The following RORA variants were observed in gnomAD, a reference collection of about 807,000 sequenced individuals.
The protein encoded by RORA is nuclear receptor ROR-alpha.
A neutral mutation model predicts 69.5 loss-of-function variants in RORA; 7 were observed. The ratio of observed to expected loss-of-function variants is 0.10; its 90% CI spans 0.06 to 0.19. RORA has a LOEUF of 0.19. RORA is among the 10% of genes least tolerant of loss of function. The probability of loss-of-function intolerance (pLI) is 1.00; values close to 1 mark genes in which losing one functional copy is unlikely to be tolerated. For missense variants in RORA, 457 were observed against 663.0 expected, an observed-to-expected ratio of 0.69 and a Z score of 3.41; for synonymous variants, 261 against 240.8, an observed-to-expected ratio of 1.08 and a Z score of -0.78.
chr15:60,893,948 C>T (rs559443175), intron 1 of RORA, among the ~76,000 whole-genome samples: 1 of 152,326 alleles, frequency 6.6e-6, no homozygotes, highest in Non-Finnish European at 1.5e-5. Flanking sequence ...AGTCCCCCGT[C>T]TGGGCCCCTT....
intron 1 of RORA, among the ~76,000 whole-genome samples, chr15:61,221,212 T>G (rs934145288): frequency 5.9e-5 from 9 of 152,256 alleles, no homozygotes; most frequent in Admixed American, 1.3e-4. Flanking sequence ...ATTTATGTTT[T>G]GGGATCAAGA....
intron 1 of RORA, among the ~76,000 whole-genome samples, chr15:60,780,056 G>A (rs1345552039): frequency 6.6e-6 from 1 of 152,204 alleles, no homozygotes; most frequent in Non-Finnish European, 1.5e-5. Flanking sequence ...CATGTGACAT[G>A]TGTCTGTTAG....
intron 2 of RORA, among the ~76,000 whole-genome samples, chr15:60,576,780 G>A (rs2068038774): frequency 6.6e-6 from 1 of 152,152 alleles, no homozygotes; most frequent in South Asian, 2.1e-4. Flanking sequence ...GCCTGCAAGG[G>A]CTTTCCATCT....
At chr15:60,624,497 T>TATATATATATA (rs2069513435) in intron 2 of RORA, among the ~76,000 whole-genome samples, 1 of 120,752 alleles carries the variant, frequency 8.3e-6, no homozygotes, top group Admixed American at 8.6e-5. Context: ...TATATATATA[T>TATATATATATA]TTGCTGTATG....
intron 1 of RORA, among the ~76,000 whole-genome samples, chr15:60,892,485 C>T (rs1285047688): frequency 1.3e-5 from 2 of 152,182 alleles, no homozygotes; most frequent in South Asian, 2.1e-4. Context: ...GCCCAATCCT[C>T]CAAAAGTCCC....
chr15:60,670,762 G>C lies in RORA; in HGVS notation c.196+7895C>G, dbSNP rs192920666. 2.6e-5 allele frequency among the ~76,000 whole-genome samples: 4 copies of C among 152,164 alleles called. No homozygotes were observed. The East Asian group carries it at 7.7e-4, about 29-fold the overall frequency. ...CTTCATCCTTATAATGTATAGATGT[G>C]GATGTCAATTATAATCCAAAGGGCC... On this transcript the variant is annotated intron_variant, in intron 2 of 10. Coordinates refer to ENST00000335670, the MANE Select transcript of RORA (RefSeq NM_134261.3).
chr15:61,190,011 G>T (rs2079782296), intron 1 of RORA, among the ~76,000 whole-genome samples: 1 of 151,822 alleles, frequency 6.6e-6, no homozygotes, highest in African/African-American at 2.4e-5. Context: ...GTGAAATTTT[G>T]CAATTTTTAA....
chr15:60,594,881 C>T (rs570058695), intron 2 of RORA, among the ~76,000 whole-genome samples: 1 of 152,350 alleles, frequency 6.6e-6, no homozygotes, highest in Non-Finnish European at 1.5e-5. Flanking sequence ...TAATGAGCAA[C>T]AGAATTTCAG....
chr15:61,229,156 G>A lies in RORA; in HGVS notation c.63C>T (p.Asp21=), dbSNP rs777245180. The A allele has an allele frequency of 5.8e-6, 9 of 1,547,434 alleles. No homozygotes were observed. The highest frequency in any genetic ancestry group is 6.1e-6 in the Non-Finnish European group (7 of 1,147,094). Residue 21 remains aspartate, a synonymous_variant, in exon 1 of 11, where the codon GAC becomes GAT. Coordinates refer to ENST00000335670, the MANE Select transcript of RORA (RefSeq NM_134261.3). The stretch of plus-strand genomic sequence containing the variant: ...GGGTCTCCCTGGAGCCGGCGGCCGC[G>A]TCCGCGCCGCTGCTGCCTGGCTCGC... ...AASEPGSSGA[D]AAAGSRETPL...
At chr15:60,840,800 C>T (rs74965234) in intron 1 of RORA, among the ~76,000 whole-genome samples, 5 of 152,306 alleles carry the variant, frequency 3.3e-5, no homozygotes, top group African/African-American at 4.8e-5. Flanking sequence ...ATCCTGTCTC[C>T]GTGGCCCGGC....
intron 1 of RORA, among the ~76,000 whole-genome samples, chr15:61,046,178 G>C (rs73424348): frequency 0.013 from 2,033 of 152,290 alleles, 48 homozygotes; most frequent in African/African-American, 0.044. Flanking sequence ...GGGCAGGGGA[G>C]GTAGTGGAGA....
At chr15:60,909,263 C>T (rs191454422) in intron 1 of RORA, among the ~76,000 whole-genome samples, 7 of 152,306 alleles carry the variant, frequency 4.6e-5, no homozygotes, top group African/African-American at 9.6e-5. Context: ...GCTGATGTCT[C>T]GGCCAGCCTC....
chr15:61,172,231 T>G (rs1206885438), intron 1 of RORA, among the ~76,000 whole-genome samples: 2 of 152,204 alleles, frequency 1.3e-5, no homozygotes, highest in East Asian at 3.8e-4. Flanking sequence ...CTTTGCAATT[T>G]TTCATGCTTC....
Position 60,753,030 on chromosome 15 carries a change from A to C in RORA, c.167-74344T>G, listed in dbSNP as rs1595686396. The stretch of plus-strand genomic sequence containing the variant: ...GAATTTTTTTACTCTGTGAGCCCTG[A>C]ACAAAAGTCCAGAAAAATAAAGCAG... On this transcript the variant is annotated intron_variant, in intron 1 of 10. Transcript: ENST00000335670. 2.0e-5 allele frequency among the ~76,000 whole-genome samples: 3 copies of C among 152,358 alleles called. No homozygotes were observed. The South Asian group carries it at 6.2e-4, about 32-fold the overall frequency.
At position 61,229,235 on chromosome 15, in the gene RORA, G is replaced by C. The variant is rs763225243; in HGVS notation, c.-17C>G. 1.6e-6 allele frequency: 2 copies of C among 1,244,228 alleles called. No individual in the cohort carries two copies. Among genetic ancestry groups the C allele is most frequent in the South Asian group, 1.4e-5 (1 of 70,946 alleles). The allele number at this position is 1,244,228 out of a possible 1,614,324, so 77.1% of individuals were successfully genotyped here. On this transcript the variant is annotated 5_prime_UTR_variant, in exon 1 of 11. Transcript: ENST00000335670. Reference sequence around the variant, plus strand: ...TGACTCCATGTTTTTTCCCAATGTAGAGATCGCTGGAGATGGCGAGCTCCG... The same window carrying C: ...TGACTCCATGTTTTTTCCCAATGTACAGATCGCTGGAGATGGCGAGCTCCG...
intron 1 of RORA, among the ~76,000 whole-genome samples, chr15:61,080,229 T>C (rs758868416): frequency 5.3e-5 from 8 of 152,186 alleles, no homozygotes; most frequent in Non-Finnish European, 1.0e-4. Context: ...CTGGTTAACC[T>C]TTATTCATCC....
intron 1 of RORA, among the ~76,000 whole-genome samples, chr15:61,052,246 G>A (rs1201836149): frequency 6.6e-6 from 1 of 152,062 alleles, no homozygotes; most frequent in Non-Finnish European, 1.5e-5. Context: ...GGCCTTTTAA[G>A]CCTTATTAAG....
intron 2 of RORA, among the ~76,000 whole-genome samples, chr15:60,625,273 CT>C (rs148514353): frequency 0.027 from 4,059 of 151,480 alleles, 148 homozygotes; most frequent in African/African-American, 0.09. Flanking sequence ...AAAAACAAAT[CT>C]TTTTTTTTGT....
intron 1 of RORA, among the ~76,000 whole-genome samples, chr15:61,028,098 C>T (rs1485247538): frequency 1.3e-5 from 2 of 152,210 alleles, no homozygotes; most frequent in Non-Finnish European, 2.9e-5. Context: ...TTCCTCTTCA[C>T]ATCTGACAGT....
Sources: allele counts gnomAD v4.1 joint callset (sites outside exome capture counted in the v4.1 genomes callset), GRCh38; gene constraint gnomAD v4.1.1; transcripts MANE v1.5; gene names NCBI Gene and HGNC (gene_info 2026-07-23, HGNC 2026-07-21).